PTPN13: variants seen among roughly 807,000 people sequenced by gnomAD.
The protein encoded by PTPN13 is tyrosine-protein phosphatase non-receptor type 13.
PTPN13 carries 191 observed loss-of-function variants against 284.0 expected under a neutral mutation model. That is an observed-to-expected ratio of 0.67 (90% CI 0.60 to 0.76). PTPN13 has a LOEUF of 0.76. PTPN13 is among the 30% of genes least tolerant of loss of function. The probability of loss-of-function intolerance (pLI) is 0.00; values close to 1 mark genes in which losing one functional copy is unlikely to be tolerated. For missense variants in PTPN13, 2,797 were observed against 2,939.9 expected (o/e 0.95, Z 1.12); for synonymous variants, 986 against 1,022.3 (o/e 0.96, Z 0.68).
intron 4 of PTPN13, among the ~76,000 whole-genome samples, chr4:86,687,865 GA>G (rs976412856): frequency 2.6e-5 from 4 of 151,872 alleles, no homozygotes; most frequent in African/African-American, 9.7e-5. Flanking sequence ...AATTAGAGGG[GA>G]AATATAAACT....
chr4:86,777,998 T>G (rs1409184595), intron 35 of PTPN13, among the ~76,000 whole-genome samples: 1 of 152,214 alleles, frequency 6.6e-6, no homozygotes, highest in Non-Finnish European at 1.5e-5. Context: ...CAGCTCAGCC[T>G]TGAAGTCATT....
At chr4:86,776,814 A>G (rs192264870) in intron 35 of PTPN13, among the ~76,000 whole-genome samples, 1 of 152,396 alleles carries the variant, frequency 6.6e-6, no homozygotes, top group East Asian at 1.9e-4. Context: ...AATGAAACAC[A>G]GGATGATTGT....
chr4:86,673,137 T>A (rs960672477), intron 3 of PTPN13, among the ~76,000 whole-genome samples: 1 of 152,154 alleles, frequency 6.6e-6, no homozygotes, highest in Admixed American at 6.5e-5. Flanking sequence ...ACTGCTCACT[T>A]CCTGCTGTGC....
Position 86,689,052 on chromosome 4 carries a change from T to G in PTPN13, c.408T>G (p.Cys136Trp), listed in dbSNP as rs1000731586. The stretch of plus-strand genomic sequence containing the variant: ...TCAACAGCATACTGCTTGGAATGTG[T>G]GAGGATGTTATTTACGCTCGAGTTT... ...DHLNSILLGM[C>W]EDVIYARVSV... Residue 136 changes from cysteine to tryptophan, a missense_variant, in exon 5 of 48, where the codon TGT becomes TGG. Transcript: ENST00000411767. The G allele has an allele frequency of 1.9e-6, 3 of 1,585,806 alleles. No individual in the cohort carries two copies. The highest frequency in any genetic ancestry group is 2.6e-6 in the Non-Finnish European group (3 of 1,154,384).
chr4:86,786,645 A>G (rs1741948195), intron 40 of PTPN13, among the ~76,000 whole-genome samples: 1 of 152,200 alleles, frequency 6.6e-6, no homozygotes, highest in South Asian at 2.1e-4. Flanking sequence ...AATATTAATA[A>G]TTACAGTAAA....
At chr4:86,685,433 A>T (rs953058444) in intron 3 of PTPN13, among the ~76,000 whole-genome samples, 1 of 152,174 alleles carries the variant, frequency 6.6e-6, no homozygotes, top group African/African-American at 2.4e-5. Context: ...ATATAGTGAG[A>T]TCCCATCTCT....
chr4:86,629,930 T>A (rs112372515), intron 1 of PTPN13, among the ~76,000 whole-genome samples: 7,496 of 152,052 alleles, frequency 0.049, 254 homozygotes, highest in Non-Finnish European at 0.078. Flanking sequence ...CTAATTTTTT[T>A]AAAAAGCATT....
At chr4:86,686,088 G>A (rs746539750) in intron 3 of PTPN13, among the ~76,000 whole-genome samples, 2 of 151,880 alleles carry the variant, frequency 1.3e-5, no homozygotes, top group African/African-American at 2.4e-5. Flanking sequence ...CCTGCCAGGC[G>A]CAGTGGGTCA....
intron 26 of PTPN13, among the ~76,000 whole-genome samples, chr4:86,765,871 A>G (rs1739249043): frequency 6.6e-6 from 1 of 151,444 alleles, no homozygotes; most frequent in Admixed American, 6.6e-5. Flanking sequence ...TCTGTCACCC[A>G]GGCTGGAGTG....
intron 2 of PTPN13, among the ~76,000 whole-genome samples, chr4:86,663,871 AG>A (rs1315272648): frequency 6.6e-6 from 1 of 152,156 alleles, no homozygotes; most frequent in African/African-American, 2.4e-5. Context: ...CAGCTTTGTA[AG>A]CTGTAAAACA....
intron 1 of PTPN13, among the ~76,000 whole-genome samples, chr4:86,614,611 C>T (rs975102524): frequency 7.9e-5 from 12 of 151,854 alleles, no homozygotes; most frequent in African/African-American, 2.9e-4. Flanking sequence ...TATAGTGAAA[C>T]AAAAAACATC....
intron 2 of PTPN13, among the ~76,000 whole-genome samples, chr4:86,671,455 AACCTGTATT>A (rs1158425615): frequency 6.6e-6 from 1 of 152,084 alleles, no homozygotes; most frequent in Non-Finnish European, 1.5e-5. Flanking sequence ...GTTTTCTTAA[AACCTGTATT>A]AACTTACTTT....
intron 47 of PTPN13, among the ~76,000 whole-genome samples, chr4:86,812,275 A>ACT (rs1398956872): frequency 7.4e-6 from 1 of 135,430 alleles, no homozygotes; most frequent in African/African-American, 2.8e-5. Flanking sequence ...CCGCCACTGC[A>ACT]CTCCAGCCTG....
At chr4:86,743,368 G>T (rs1736369789) in intron 16 of PTPN13, among the ~76,000 whole-genome samples, 1 of 151,786 alleles carries the variant, frequency 6.6e-6, no homozygotes. Flanking sequence ...CAACTAAGAA[G>T]ATTCTTTCTT....
intron 47 of PTPN13, among the ~76,000 whole-genome samples, chr4:86,811,836 C>T (rs904517935): frequency 6.6e-6 from 1 of 152,170 alleles, no homozygotes; most frequent in East Asian, 1.9e-4. Context: ...TAGCATTTGC[C>T]TACTTTCCTT....
At position 86,753,001 on chromosome 4, in the gene PTPN13, T is replaced by G. The variant is rs1358401352; in HGVS notation, c.3167-8T>G. ...TATGAAATGTCTAATATTTAATTTATGCCACAGGAATGACTATGCATAGTT... is the reference window on the plus strand; with the variant it reads ...TATGAAATGTCTAATATTTAATTTAGGCCACAGGAATGACTATGCATAGTT... On this transcript the variant is annotated splice_region_variant and splice_polypyrimidine_tract_variant and intron_variant, in intron 19 of 47. Coordinates refer to ENST00000411767, the MANE Select transcript of PTPN13 (RefSeq NM_080683.3). The G allele has an allele frequency of 7.5e-6, 12 of 1,593,910 alleles. No individual in the cohort carries two copies. Among genetic ancestry groups the G allele is most frequent in the Non-Finnish European group, 1.0e-5 (12 of 1,165,594 alleles).
At position 86,740,275 on chromosome 4, in the gene PTPN13, A is replaced by G. The variant is rs561620683; in HGVS notation, c.2305-1359A>G. The stretch of plus-strand genomic sequence containing the variant: ...CATTAGGGCCCTGCCCCTGCAGCAA[A>G]CTTCTCCCTGGGATCCAGGCATTTC... On this transcript the variant is annotated intron_variant, in intron 15 of 47. Coordinates refer to ENST00000411767, the MANE Select transcript of PTPN13 (RefSeq NM_080683.3). Among the ~76,000 whole-genome samples the G allele has an allele frequency of 7.2e-5, 11 of 152,194 alleles. No individual in the cohort carries two copies. The South Asian group carries it at 1.9e-3, about 26-fold the overall frequency.
chr4:86,606,942 G>A (rs1050998009), intron 1 of PTPN13, among the ~76,000 whole-genome samples: 2 of 151,876 alleles, frequency 1.3e-5, no homozygotes, highest in South Asian at 4.1e-4. Context: ...TTGCCACATA[G>A]TTCTAAGAAA....
chr4:86,669,287 A>ATG (rs2148882548), intron 2 of PTPN13, among the ~76,000 whole-genome samples: 1 of 80,074 alleles, frequency 1.2e-5, no homozygotes, highest in East Asian at 3.9e-4. Flanking sequence ...AAGAAGATGT[A>ATG]TATATATATA....
Sources: gnomAD v4.1 joint callset for allele counts (sites outside exome capture counted in the v4.1 genomes callset) on GRCh38, gnomAD v4.1.1 for gene constraint, MANE v1.5 for transcripts, NCBI Gene and HGNC (gene_info 2026-07-23, HGNC 2026-07-21) for gene names.